Variants in SPAG16 observed in about 807,000 individuals in gnomAD.
SPAG16 encodes the protein sperm associated antigen 16, also known as sperm-associated antigen 16 protein.
Under a neutral mutation model 80.4 loss-of-function variants are expected in SPAG16, and 86 were observed. The ratio of observed to expected loss-of-function variants is 1.07; its 90% CI spans 0.90 to 1.28. SPAG16 has a LOEUF of 1.28. Ranked by LOEUF, SPAG16 falls within the 50% of genes most tolerant of loss-of-function variation. The pLI is 0.00. For missense variants in SPAG16, 870 were observed against 765.3 expected, an observed-to-expected ratio of 1.14 and a Z score of -1.61; for synonymous variants, 294 against 265.9, an observed-to-expected ratio of 1.11 and a Z score of -1.03.
intron 15 of SPAG16, among the ~76,000 whole-genome samples, chr2:214,172,459 C>T (rs1205113881): frequency 1.3e-5 from 2 of 152,072 alleles, no homozygotes; most frequent in Non-Finnish European, 2.9e-5. Context: ...CATAGTATTC[C>T]ATGGTGTATA....
At chr2:213,760,225 G>C (rs2068580748) in intron 10 of SPAG16, among the ~76,000 whole-genome samples, 1 of 152,056 alleles carries the variant, frequency 6.6e-6, no homozygotes, top group Non-Finnish European at 1.5e-5. Context: ...TGAAGGTAGA[G>C]GGACAGAAAA....
intron 14 of SPAG16, among the ~76,000 whole-genome samples, chr2:214,143,531 G>T (rs1200619275): frequency 6.6e-6 from 1 of 152,036 alleles, no homozygotes; most frequent in Non-Finnish European, 1.5e-5. Context: ...AAGTGATAAA[G>T]AATTATGCAA....
intron 10 of SPAG16, among the ~76,000 whole-genome samples, chr2:213,619,231 G>T (rs1048382413): frequency 6.6e-6 from 1 of 151,986 alleles, no homozygotes; most frequent in Non-Finnish European, 1.5e-5. Flanking sequence ...CTTAAATATA[G>T]GATCTGAAAC....
chr2:214,380,896 T>G (rs1700410925), intron 15 of SPAG16, among the ~76,000 whole-genome samples: 1 of 152,234 alleles, frequency 6.6e-6, no homozygotes, highest in Non-Finnish European at 1.5e-5. Context: ...CAGAGGAGAA[T>G]TTATTAAGGC....
chr2:214,323,707 T>G (rs1029649824), intron 15 of SPAG16, among the ~76,000 whole-genome samples: 6 of 152,232 alleles, frequency 3.9e-5, no homozygotes, highest in Non-Finnish European at 8.8e-5. Context: ...CAAATTGAAT[T>G]ACACTAAACT....
At chr2:213,765,396 A>T (rs1001008779) in intron 10 of SPAG16, among the ~76,000 whole-genome samples, 1 of 152,158 alleles carries the variant, frequency 6.6e-6, no homozygotes, top group Non-Finnish European at 1.5e-5. Context: ...ACAAAAAAAG[A>T]TTAAAACAGA....
chr2:214,304,626 C>A (rs1485808871), intron 15 of SPAG16, among the ~76,000 whole-genome samples: 1 of 152,140 alleles, frequency 6.6e-6, no homozygotes, highest in African/African-American at 2.4e-5. Context: ...CCTGATTTTC[C>A]ACTTCACACC....
intron 10 of SPAG16, among the ~76,000 whole-genome samples, chr2:213,727,304 A>G (rs191100969): frequency 2.4e-4 from 37 of 152,342 alleles, no homozygotes; most frequent in African/African-American, 8.2e-4. Flanking sequence ...TTAATTCTGC[A>G]GAAGAGACTG....
At chr2:213,599,304 C>T (rs2060983495) in intron 10 of SPAG16, among the ~76,000 whole-genome samples, 1 of 152,116 alleles carries the variant, frequency 6.6e-6, no homozygotes, top group Non-Finnish European at 1.5e-5. Flanking sequence ...CTTACAATTC[C>T]AAACTATTCC....
intron 10 of SPAG16, among the ~76,000 whole-genome samples, chr2:213,615,958 T>TA (rs1297746610): frequency 6.6e-6 from 1 of 152,140 alleles, no homozygotes; most frequent in African/African-American, 2.4e-5. Flanking sequence ...GCTTAAAACA[T>TA]AGATGATGGG....
intron 15 of SPAG16, among the ~76,000 whole-genome samples, chr2:214,359,116 G>C (rs888426234): frequency 6.6e-6 from 1 of 151,758 alleles, no homozygotes; most frequent in African/African-American, 2.4e-5. Flanking sequence ...AGCAACAATA[G>C]TAATAGTAAT....
chr2:214,273,565 T>C (rs990651094), intron 15 of SPAG16, among the ~76,000 whole-genome samples: 12 of 152,202 alleles, frequency 7.9e-5, no homozygotes, highest in African/African-American at 2.9e-4. Flanking sequence ...TCCCCATTTA[T>C]TTCTTTTTTT....
chr2:213,822,009 A>T (rs543757457), intron 10 of SPAG16, among the ~76,000 whole-genome samples: 4 of 152,276 alleles, frequency 2.6e-5, no homozygotes, highest in African/African-American at 9.6e-5. Flanking sequence ...CTGCACAAAC[A>T]TGGGAGTGCA....
intron 10 of SPAG16, among the ~76,000 whole-genome samples, chr2:213,602,499 T>C (rs765277723): frequency 6.6e-6 from 1 of 151,886 alleles, no homozygotes; most frequent in Non-Finnish European, 1.5e-5. Flanking sequence ...CCGGGCGTGG[T>C]GGTGCACGCC....
intron 15 of SPAG16, among the ~76,000 whole-genome samples, chr2:214,259,414 T>A (rs1690954907): frequency 6.6e-6 from 1 of 150,378 alleles, no homozygotes; most frequent in South Asian, 2.1e-4. Context: ...ATTATATATG[T>A]ATATATGTGT....
intron 9 of SPAG16, among the ~76,000 whole-genome samples, chr2:213,442,891 G>T (rs149767057): frequency 6.6e-6 from 1 of 151,710 alleles, no homozygotes; most frequent in Admixed American, 6.6e-5. Context: ...CGAAAGAATC[G>T]ATAATTAATT....
intron 15 of SPAG16, among the ~76,000 whole-genome samples, chr2:214,405,965 T>C (rs958659682): frequency 2.6e-5 from 4 of 152,230 alleles, no homozygotes; most frequent in Admixed American, 2.6e-4. Flanking sequence ...CTCATTCCAG[T>C]AAACCTGGAT....
chr2:214,102,782 C>T (rs199554275), intron 13 of SPAG16, among the ~76,000 whole-genome samples: 6 of 105,176 alleles, frequency 5.7e-5, no homozygotes, highest in Non-Finnish European at 1.0e-4. Context: ...AAAAAGAGAC[C>T]GAGACCGGGG....
intron 9 of SPAG16, among the ~76,000 whole-genome samples, chr2:213,416,796 T>A (rs1382330662): frequency 2.6e-5 from 4 of 152,094 alleles, no homozygotes; most frequent in Non-Finnish European, 5.9e-5. Flanking sequence ...ATACTCATGA[T>A]CTTAAAGACA....
Sources: gnomAD v4.1 joint callset for allele counts (sites outside exome capture counted in the v4.1 genomes callset) on GRCh38, gnomAD v4.1.1 for gene constraint, MANE v1.5 for transcripts, NCBI Gene and HGNC (gene_info 2026-07-23, HGNC 2026-07-21) for gene names.